TMEM117: variants seen among roughly 807,000 people sequenced by gnomAD.
TMEM117 encodes transmembrane protein 117.
TMEM117 carries 27 observed loss-of-function variants against 52.4 expected under a neutral mutation model. The observed-to-expected ratio is 0.51, with a 90% CI of 0.38 to 0.71. The LOEUF (loss-of-function observed/expected upper bound fraction) is 0.71. TMEM117 is among the 30% of genes least tolerant of loss of function. The probability of loss-of-function intolerance (pLI) is 0.00; values close to 1 mark genes in which losing one functional copy is unlikely to be tolerated. For missense variants in TMEM117, 556 were observed against 630.5 expected (o/e 0.88, Z 1.26); for synonymous variants, 215 against 206.3 (o/e 1.04, Z -0.36).
chr12:44,151,786 A>G (rs1948729218), intron 4 of TMEM117, among the ~76,000 whole-genome samples: 1 of 146,440 alleles, frequency 6.8e-6, no homozygotes, highest in Non-Finnish European at 1.5e-5. Flanking sequence ...CCTTTTATTT[A>G]GTGCCTCTTG....
Position 44,082,258 on chromosome 12 carries a change from A to G in TMEM117, c.411-61267A>G, listed in dbSNP as rs549408417. On this transcript the variant is annotated intron_variant, in intron 3 of 7. Transcript: ENST00000266534. ...ATGAGTTAGAAAGTAACAATTAAAA[A>G]TTTTATGGATTTCTTAGTCCAAATT... is the stretch of plus-strand genomic sequence containing the variant. Among the ~76,000 whole-genome samples the G allele has an allele frequency of 7.9e-5, 12 of 152,062 alleles. No individual in the cohort carries two copies. The South Asian group carries it at 2.5e-3, about 32-fold the overall frequency.
chr12:44,073,337 T>G (rs1947332373), intron 3 of TMEM117, among the ~76,000 whole-genome samples: 1 of 152,170 alleles, frequency 6.6e-6, no homozygotes, highest in African/African-American at 2.4e-5. Context: ...TTCCTTCCTA[T>G]TGGCTGGGTG....
chr12:44,062,875 G>A (rs1296543429), intron 3 of TMEM117, among the ~76,000 whole-genome samples: 2 of 152,230 alleles, frequency 1.3e-5, no homozygotes, highest in East Asian at 3.8e-4. Flanking sequence ...ATGTCCTGAA[G>A]TCTAATTGTG....
chr12:43,831,242 T>A (rs1942979479), upstream of TMEM117, among the ~76,000 whole-genome samples: 1 of 152,228 alleles, frequency 6.6e-6, no homozygotes, highest in South Asian at 2.1e-4. Flanking sequence ...TCATCCCGAC[T>A]GACCTATTGG....
At chr12:43,966,128 A>G (rs1479783062) in intron 3 of TMEM117, among the ~76,000 whole-genome samples, 1 of 152,172 alleles carries the variant, frequency 6.6e-6, no homozygotes, top group African/African-American at 2.4e-5. Context: ...TATGTGTACC[A>G]CATTTTCTTT....
chr12:44,226,982 C>A (rs1025355584), intron 5 of TMEM117, among the ~76,000 whole-genome samples: 5 of 151,904 alleles, frequency 3.3e-5, no homozygotes, highest in Admixed American at 3.3e-4. Flanking sequence ...CCAAAGCAAC[C>A]AATTTTTTTT....
chr12:44,115,469 G>C (rs776295807), intron 3 of TMEM117, among the ~76,000 whole-genome samples: 1 of 151,910 alleles, frequency 6.6e-6, no homozygotes, highest in Non-Finnish European at 1.5e-5. Context: ...TAAAAAACCC[G>C]CTATGCCATT....
chr12:43,830,413 C>G, the TMEM117 span, among the ~76,000 whole-genome samples: 1 of 151,674 alleles, frequency 6.6e-6, no homozygotes, highest in Non-Finnish European at 1.5e-5. Flanking sequence ...TCAAGACCAG[C>G]CTGACTAACA....
At chr12:43,903,548 G>A (rs1246684040) in intron 2 of TMEM117, among the ~76,000 whole-genome samples, 1 of 152,148 alleles carries the variant, frequency 6.6e-6, no homozygotes, top group African/African-American at 2.4e-5. Context: ...AATATCTACT[G>A]AAGTTGGCAG....
the TMEM117 span, among the ~76,000 whole-genome samples, chr12:43,813,518 C>T: frequency 4.0e-4 from 61 of 152,066 alleles, 1 homozygote; most frequent in African/African-American, 1.4e-3. Context: ...TGAGCCACCA[C>T]ACCTGGCCCT....
rs138522633 is a variant in TMEM117, at chr12:44,339,764, A to G, written c.769-36831A>G. Among the ~76,000 whole-genome samples, 911 of 151,980 alleles carry G rather than the reference A, an allele frequency of 6.0e-3. 10 individuals carry two copies. Among genetic ancestry groups the G allele is most frequent in the African/African-American group, 0.02 (824 of 41,500 alleles). On this transcript the variant is annotated intron_variant, in intron 6 of 7. Coordinates refer to ENST00000266534, the MANE Select transcript of TMEM117 (RefSeq NM_032256.3). Reference sequence around the variant, plus strand: ...AGGTATATAAGAAAAAATGTATAAAAAGTACTTTGCTTTGAATTGGAGGAT... The same window carrying G: ...AGGTATATAAGAAAAAATGTATAAAGAGTACTTTGCTTTGAATTGGAGGAT...
At chr12:44,038,867 AC>A (rs898033771) in intron 3 of TMEM117, among the ~76,000 whole-genome samples, 2 of 152,202 alleles carry the variant, frequency 1.3e-5, no homozygotes, top group Admixed American at 6.5e-5. Flanking sequence ...CATTTCAAAC[AC>A]ATGTAAAAGT....
At position 43,989,065 on chromosome 12, in the gene TMEM117, T is replaced by C. The variant is rs189573314; in HGVS notation, c.410+44723T>C. On this transcript the variant is annotated intron_variant, in intron 3 of 7. Transcript: ENST00000266534. ...TCATTTTTCAATAAGTTATGTTTACTGTGGGCAAGGGAAAAGGGAGCGGTG... is the reference window on the plus strand; with the variant it reads ...TCATTTTTCAATAAGTTATGTTTACCGTGGGCAAGGGAAAAGGGAGCGGTG... 7.9e-5 allele frequency among the ~76,000 whole-genome samples: 12 copies of C among 152,242 alleles called. No homozygotes were observed. The East Asian group carries it at 2.1e-3, about 27-fold the overall frequency.
chr12:43,952,037 C>T (rs1945232123), intron 3 of TMEM117, among the ~76,000 whole-genome samples: 1 of 152,088 alleles, frequency 6.6e-6, no homozygotes, highest in South Asian at 2.1e-4. Flanking sequence ...AGCAGACCTG[C>T]AGAAGAGGGG....
At chr12:44,280,372 A>G (rs994397323) in intron 5 of TMEM117, among the ~76,000 whole-genome samples, 2 of 152,108 alleles carry the variant, frequency 1.3e-5, no homozygotes, top group Non-Finnish European at 2.9e-5. Flanking sequence ...AATATCTGCC[A>G]TTCTTCTCCC....
At chr12:43,806,683 C>T in the TMEM117 span, among the ~76,000 whole-genome samples, 1 of 152,132 alleles carries the variant, frequency 6.6e-6, no homozygotes, top group Admixed American at 6.5e-5. Flanking sequence ...AAGATGTGCA[C>T]ATTATTTTTC....
intron 4 of TMEM117, among the ~76,000 whole-genome samples, chr12:44,206,225 G>A (rs113686674): frequency 0.078 from 11,921 of 152,254 alleles, 1,408 homozygotes; most frequent in African/African-American, 0.26. Flanking sequence ...GTTATCTGCA[G>A]CAGGAACATG....
At position 44,064,626 on chromosome 12, in the gene TMEM117, T is replaced by A. The variant is rs551526599; in HGVS notation, c.411-78899T>A. Among the ~76,000 whole-genome samples the A allele has an allele frequency of 2.0e-5, 3 of 152,278 alleles. No individual in the cohort carries two copies. The South Asian group carries it at 6.2e-4, about 32-fold the overall frequency. The stretch of plus-strand genomic sequence containing the variant: ...TAATTTTTTAAAAATCTGTTTTTTT[T>A]AAAGAAAAAAGCTTTCTCTCCTGAA... On this transcript the variant is annotated intron_variant, in intron 3 of 7. Transcript: ENST00000266534.
chr12:44,154,765 TA>T (rs58401059), intron 4 of TMEM117, among the ~76,000 whole-genome samples: 5,952 of 142,970 alleles, frequency 0.042, 283 homozygotes, highest in African/African-American at 0.11. Context: ...GCTATATATC[TA>T]AAAAAAAAAA....
Sources: gnomAD v4.1 joint callset for allele counts (sites outside exome capture counted in the v4.1 genomes callset) on GRCh38, gnomAD v4.1.1 for gene constraint, MANE v1.5 for transcripts, NCBI Gene and HGNC (gene_info 2026-07-23, HGNC 2026-07-21) for gene names.